DPH6: variants seen among roughly 807,000 people sequenced by gnomAD.
DPH6 encodes diphthamine biosynthesis 6.
DPH6 carries 33 observed loss-of-function variants against 38.2 expected under a neutral mutation model. That is an observed-to-expected ratio of 0.86 (90% CI 0.65 to 1.15). The LOEUF (loss-of-function observed/expected upper bound fraction) is 1.15, where lower values mean the gene tolerates loss of function less well. DPH6 is among the 50% of genes most tolerant of loss of function. The probability of loss-of-function intolerance (pLI) is 0.00; values close to 1 mark genes in which losing one functional copy is unlikely to be tolerated. For synonymous variants in DPH6, 108 were observed against 103.0 expected (o/e 1.05, Z -0.30); for missense variants, 325 against 320.0 (o/e 1.02, Z -0.12).
intron 3 of DPH6, among the ~76,000 whole-genome samples, chr15:35,363,345 A>G (rs1566881155): frequency 6.6e-6 from 1 of 152,194 alleles, no homozygotes; most frequent in Non-Finnish European, 1.5e-5. Flanking sequence ...GAATTGTTAT[A>G]TCTTCCTGAA....
At chr15:35,168,643 C>T in the DPH6 span, among the ~76,000 whole-genome samples, 2 of 151,920 alleles carry the variant, frequency 1.3e-5, no homozygotes, top group Non-Finnish European at 2.9e-5. Context: ...CCTCTTCCCC[C>T]GAAAACTGCA....
intron 3 of DPH6, chr15:35,522,219 G>A (rs1017673433): frequency 2.5e-6 from 4 of 1,613,154 alleles, no homozygotes; most frequent in African/African-American, 2.7e-5. Context: ...TCAAATGCAT[G>A]TGAAAATCTT....
the DPH6 span, among the ~76,000 whole-genome samples, chr15:35,160,990 T>C: frequency 1.3e-5 from 2 of 151,718 alleles, no homozygotes; most frequent in African/African-American, 4.8e-5. Context: ...GGGACTGTTG[T>C]GGGGTGGAGG....
chr15:35,436,470 A>AAAAC lies in DPH6; in HGVS notation c.505+14211_505+14214dup, dbSNP rs1166393929. Among the ~76,000 whole-genome samples, 191 of 115,266 alleles carry AAAAC rather than the reference A, an allele frequency of 1.7e-3. 7 individuals are homozygous for AAAAC. Among genetic ancestry groups the AAAAC allele is most frequent in the African/African-American group, 8.6e-3 (185 of 21,450 alleles). The allele number at this position is 115,266 out of a possible 152,430, so 75.6% of individuals were successfully genotyped here. On this transcript the variant is annotated intron_variant, in intron 5 of 8. Coordinates refer to ENST00000256538, the MANE Select transcript of DPH6 (RefSeq NM_080650.4). ...GACAGAGTGAGACTCCGTCTCAAAC[A>AAAAC]AAACAAACAAAAACAAAACAAAACA...
chr15:35,189,830 C>T, the DPH6 span, among the ~76,000 whole-genome samples: 5 of 152,124 alleles, frequency 3.3e-5, no homozygotes, highest in African/African-American at 1.2e-4. Flanking sequence ...CCGGGGGCTG[C>T]AGGCAATTTT....
At chr15:35,461,697 G>A (rs2054068858) in intron 3 of DPH6, among the ~76,000 whole-genome samples, 1 of 151,958 alleles carries the variant, frequency 6.6e-6, no homozygotes, top group Non-Finnish European at 1.5e-5. Context: ...AATGAAGGAA[G>A]GGGGTACGGA....
intron 6 of DPH6, among the ~76,000 whole-genome samples, chr15:35,383,796 C>CT (rs2140943102): frequency 6.6e-6 from 1 of 152,330 alleles, no homozygotes; most frequent in East Asian, 1.9e-4. Context: ...AAAAATTCAG[C>CT]TTTGCTGGAT....
exon 4 of DPH6, chr15:35,220,379 G>A (rs1402415974): frequency 2.0e-5 from 3 of 152,092 alleles, no homozygotes; most frequent in Admixed American, 1.3e-4. Context: ...TTATGCTGCT[G>A]TAACAGAATA....
chr15:35,237,850 T>G (rs2140398165), intron 3 of DPH6: 3 of 1,530,190 alleles, frequency 2.0e-6, no homozygotes, highest in South Asian at 1.1e-5. Context: ...AGGATGAGGA[T>G]GAGGAGGAGT....
intron 3 of DPH6, among the ~76,000 whole-genome samples, chr15:35,317,032 C>T (rs529079293): frequency 6.6e-6 from 1 of 152,188 alleles, no homozygotes; most frequent in Admixed American, 6.5e-5. Flanking sequence ...CTGAGGCAGG[C>T]AGATTGCTTG....
chr15:35,199,584 A>G, the DPH6 span, among the ~76,000 whole-genome samples: 1 of 152,338 alleles, frequency 6.6e-6, no homozygotes, highest in African/African-American at 2.4e-5. Context: ...AGAGAAAAAC[A>G]GTAAGGACAA....
chr15:35,261,542 T>TA (rs11453555), intron 3 of DPH6, among the ~76,000 whole-genome samples: 77,845 of 150,836 alleles, frequency 0.52, 22,440 homozygotes, highest in Non-Finnish European at 0.65. Flanking sequence ...AAAGTTAGTT[T>TA]AAAAAAAAAG....
chr15:35,524,417 C>T (rs8029213), intron 3 of DPH6, among the ~76,000 whole-genome samples: 2,676 of 152,110 alleles, frequency 0.018, 82 homozygotes, highest in African/African-American at 0.06. Flanking sequence ...ACTTAATAAC[C>T]CTAACCCCTT....
At chr15:35,410,055 G>C (rs2053345103) in intron 6 of DPH6, among the ~76,000 whole-genome samples, 1 of 151,770 alleles carries the variant, frequency 6.6e-6, no homozygotes, top group African/African-American at 2.4e-5. Flanking sequence ...AAGTGTAACT[G>C]CTAAGAGTTC....
intron 3 of DPH6, among the ~76,000 whole-genome samples, chr15:35,478,064 CTGTGTCTGATTTCAACTAAA>C (rs1221451831): frequency 2.0e-5 from 3 of 151,860 alleles, no homozygotes; most frequent in African/African-American, 4.8e-5. Flanking sequence ...AGCCTAAGGG[CTGTGTCTGATTTCAACTAAA>C]TGTGTCAGTT....
downstream of DPH6, among the ~76,000 whole-genome samples, chr15:35,216,766 C>A (rs550052979): frequency 2.5e-3 from 377 of 152,298 alleles, no homozygotes; most frequent in African/African-American, 8.7e-3. Context: ...CATTGAATCA[C>A]TTGGAAAAAC....
chr15:35,302,681 C>G (rs1224948207), intron 3 of DPH6, among the ~76,000 whole-genome samples: 2 of 152,074 alleles, frequency 1.3e-5, no homozygotes, highest in African/African-American at 4.8e-5. Context: ...GTTAAATGTC[C>G]TAATTAATCT....
At chr15:35,210,687 C>T in the DPH6 span, among the ~76,000 whole-genome samples, 1 of 151,982 alleles carries the variant, frequency 6.6e-6, no homozygotes, top group African/African-American at 2.4e-5. Flanking sequence ...ATATATGCCC[C>T]AATTAATTGG....
chr15:35,423,323 G>A (rs2053529398), intron 5 of DPH6, among the ~76,000 whole-genome samples: 1 of 151,664 alleles, frequency 6.6e-6, no homozygotes, highest in Admixed American at 6.6e-5. Flanking sequence ...TCTTATACCT[G>A]TTTGTCATTT....
Sources: allele counts gnomAD v4.1 joint callset (sites outside exome capture counted in the v4.1 genomes callset), GRCh38; gene constraint gnomAD v4.1.1; transcripts MANE v1.5; gene names NCBI Gene and HGNC (gene_info 2026-07-23, HGNC 2026-07-21).